CEP85L: variants seen among roughly 807,000 people sequenced by gnomAD.
CEP85L encodes centrosomal protein 85L.
Under a neutral mutation model 100.3 loss-of-function variants are expected in CEP85L, and 60 were observed. The ratio of observed to expected loss-of-function variants is 0.60; its 90% confidence interval spans 0.49 to 0.74. The LOEUF (loss-of-function observed/expected upper bound fraction) is 0.74, where lower values mean the gene tolerates loss of function less well. CEP85L is among the 30% of genes least tolerant of loss of function. The pLI, the probability that CEP85L is intolerant of heterozygous loss-of-function variation, is 0.00. For synonymous variants in CEP85L, 319 were observed against 322.7 expected (o/e 0.99, Z 0.12); for missense variants, 973 against 936.2 (o/e 1.04, Z -0.51).
intron 4 of CEP85L, among the ~76,000 whole-genome samples, chr6:118,517,591 T>A (rs1776356115): frequency 6.6e-6 from 1 of 152,240 alleles, no homozygotes; most frequent in South Asian, 2.1e-4. Flanking sequence ...TGATTTTGTA[T>A]CCTGAGACTT....
upstream of CEP85L, chr6:118,651,894 C>G (rs79797360): frequency 1.1e-4 from 108 of 985,602 alleles, 1 homozygote; most frequent in East Asian, 1.0e-2. Flanking sequence ...GCCCTCCCTC[C>G]GGGCACCTCT....
chr6:118,624,496 C>T (rs1469892133), intron 2 of CEP85L, among the ~76,000 whole-genome samples: 3 of 152,166 alleles, frequency 2.0e-5, no homozygotes, highest in Non-Finnish European at 4.4e-5. Flanking sequence ...AGTATTCTTT[C>T]TGCCACCTCT....
At chr6:118,645,879 A>G (rs1775149384) in intron 1 of CEP85L, among the ~76,000 whole-genome samples, 1 of 150,198 alleles carries the variant, frequency 6.7e-6, no homozygotes, top group Non-Finnish European at 1.5e-5. Context: ...CTAGGTAACC[A>G]TTTTTTTTTT....
At chr6:118,602,611 A>C (rs1314042191) in intron 2 of CEP85L, among the ~76,000 whole-genome samples, 1 of 150,610 alleles carries the variant, frequency 6.6e-6, no homozygotes, top group Non-Finnish European at 1.5e-5. Context: ...ACTAGAATTT[A>C]ACAACAAGTG....
At chr6:118,531,199 C>T (rs1777270813) in intron 3 of CEP85L, among the ~76,000 whole-genome samples, 1 of 152,062 alleles carries the variant, frequency 6.6e-6, no homozygotes, top group African/African-American at 2.4e-5. Context: ...AGAAATAATA[C>T]CATTCACCCA....
At position 118,566,308 on chromosome 6, in the gene CEP85L, T is replaced by A; in HGVS notation, c.241A>T (p.Thr81Ser). 1.9e-6 allele frequency: 3 copies of A among 1,610,972 alleles called. No homozygotes were observed. Among genetic ancestry groups the A allele is most frequent in the Non-Finnish European group, 2.5e-6 (3 of 1,178,744 alleles). The change falls in exon 3 of 13, where the codon ACT (threonine) becomes TCT (serine). Residue 81 changes from threonine to serine, a missense_variant. By Grantham distance (58) the Thr-to-Ser change is moderately conservative. Around this residue, in one of 3 missense-constraint regions of CEP85L, gnomAD observed 890 missense variants for 844.5 expected, o/e 1.05. Coordinates refer to ENST00000368491, the MANE Select transcript of CEP85L (RefSeq NM_001042475.3). ...TTAAAAGATAATGTGCCACTTGAAG[T>A]TGAATGATCTGGAAAGAAAAAAGAT... ...SCSDSVEDHS[T>S]SSGTLSFKPS...
upstream of CEP85L, chr6:118,652,553 G>A: frequency 7.0e-7 from 1 of 1,427,860 alleles, no homozygotes; most frequent in South Asian, 1.5e-5. Context: ...TAACTAGAGA[G>A]GCTTTGAGTT....
At chr6:118,598,579 T>C (rs1408585497) in intron 2 of CEP85L, among the ~76,000 whole-genome samples, 1 of 152,090 alleles carries the variant, frequency 6.6e-6, no homozygotes, top group African/African-American at 2.4e-5. Flanking sequence ...GGAGTTATGG[T>C]GCCACAAGCC....
intron 1 of CEP85L, among the ~76,000 whole-genome samples, chr6:118,691,772 A>G (rs1156776537): frequency 6.6e-6 from 1 of 151,932 alleles, no homozygotes; most frequent in Admixed American, 6.5e-5. Flanking sequence ...GACAGGCATC[A>G]TTTAAACCTC....
In CEP85L at chr6:118,651,400, G is replaced by A. The variant is rs1474143266; in HGVS notation, c.-131C>T. ...GGGCAGGAGGAAAGGCGGGATGGCT[G>A]GTTAACGGCTGCTCAGCTACGGGCG... On this transcript the variant is annotated 5_prime_UTR_variant, in exon 1 of 13. Coordinates refer to ENST00000368491, the MANE Select transcript of CEP85L (RefSeq NM_001042475.3). 12 of 1,352,898 alleles carry A rather than the reference G, an allele frequency of 8.9e-6. No individual in the cohort carries two copies. Among genetic ancestry groups the A allele is most frequent in the Non-Finnish European group, 1.1e-5 (12 of 1,055,998 alleles). 83.8% of individuals were successfully genotyped at this position (1,352,898 alleles called of 1,614,324 possible). A position where few individuals can be genotyped will look rare whatever the true frequency, so the allele number is the denominator to read the frequency against.
intron 1 of CEP85L, among the ~76,000 whole-genome samples, chr6:118,680,975 T>G (rs1445752701): frequency 6.6e-6 from 1 of 152,180 alleles, no homozygotes; most frequent in Non-Finnish European, 1.5e-5. Context: ...TGCGCTACTA[T>G]TGCTGAAACG....
chr6:118,708,745 C>T (rs1198261818), intron 1 of CEP85L, among the ~76,000 whole-genome samples: 1 of 152,118 alleles, frequency 6.6e-6, no homozygotes, highest in Non-Finnish European at 1.5e-5. Context: ...TAAGATTTTT[C>T]CTTGAATAGA....
At chr6:118,556,970 G>C (rs1036945314) in intron 3 of CEP85L, among the ~76,000 whole-genome samples, 12 of 152,028 alleles carry the variant, frequency 7.9e-5, no homozygotes, top group Admixed American at 3.3e-4. Flanking sequence ...AATAGCTTGT[G>C]GGATCTCTGA....
At chr6:118,486,249 G>A (rs902115657) in intron 6 of CEP85L, among the ~76,000 whole-genome samples, 2 of 152,030 alleles carry the variant, frequency 1.3e-5, no homozygotes, top group African/African-American at 4.8e-5. Context: ...GGTTACTGAA[G>A]TCTGAACTGC....
intron 3 of CEP85L, chr6:118,559,155 C>A: frequency 9.1e-7 from 1 of 1,101,820 alleles, no homozygotes; most frequent in Non-Finnish European, 1.4e-6. Flanking sequence ...GACAGGAAAA[C>A]AATATTGTAT....
intron 5 of CEP85L, among the ~76,000 whole-genome samples, chr6:118,508,611 T>C (rs1775794443): frequency 6.6e-6 from 1 of 152,146 alleles, no homozygotes; most frequent in East Asian, 1.9e-4. Flanking sequence ...GTCATCTTAA[T>C]TGTAAGGTTA....
chr6:118,581,596 G>C (rs939564202), intron 2 of CEP85L, among the ~76,000 whole-genome samples: 6 of 152,038 alleles, frequency 3.9e-5, no homozygotes, highest in Non-Finnish European at 7.4e-5. Context: ...CATTTAACTG[G>C]GTGCCGGGAC....
chr6:118,666,127 T>C (rs1254382441), intron 1 of CEP85L, among the ~76,000 whole-genome samples: 1 of 152,254 alleles, frequency 6.6e-6, no homozygotes, highest in African/African-American at 2.4e-5. Context: ...CCCAGATTCC[T>C]GGCTACTTTG....
At chr6:118,525,115 T>C (rs975512430) in intron 3 of CEP85L, among the ~76,000 whole-genome samples, 4 of 152,162 alleles carry the variant, frequency 2.6e-5, no homozygotes, top group Middle Eastern at 3.2e-3. Context: ...AAGAACCCAA[T>C]TTTTTTCTAC....
Sources: allele counts gnomAD v4.1 joint callset (sites outside exome capture counted in the v4.1 genomes callset), GRCh38; gene constraint gnomAD v4.1.1; regional missense constraint gnomAD v4.1.1; transcripts MANE v1.5; gene names NCBI Gene and HGNC (gene_info 2026-07-23, HGNC 2026-07-21).